LRRTM4: variants seen among roughly 807,000 people sequenced by gnomAD.
The protein encoded by LRRTM4 is leucine-rich repeat transmembrane neuronal protein 4.
In LRRTM4, 25 loss-of-function variants were observed where a neutral mutation model predicts 47.6. The ratio of observed to expected loss-of-function variants is 0.53; its 90% CI spans 0.38 to 0.73. LRRTM4 has a LOEUF of 0.73. LRRTM4 is among the 30% of genes least tolerant of loss of function. The pLI is 0.00. For missense variants in LRRTM4, 638 were observed against 713.4 expected (o/e 0.89, Z 1.20); for synonymous variants, 311 against 269.5 (o/e 1.15, Z -1.51).
At chr2:76,925,205 G>C (rs1025903669) in intron 3 of LRRTM4, among the ~76,000 whole-genome samples, 1 of 152,174 alleles carries the variant, frequency 6.6e-6, no homozygotes. Flanking sequence ...GGGTAAAAGA[G>C]ATGGAAGAAT....
intron 3 of LRRTM4, among the ~76,000 whole-genome samples, chr2:76,959,527 T>A (rs72823116): frequency 0.019 from 2,877 of 151,716 alleles, 75 homozygotes; most frequent in East Asian, 0.082. Flanking sequence ...GACATTCCTG[T>A]AAGAAAGCTA....
intron 3 of LRRTM4, among the ~76,000 whole-genome samples, chr2:76,991,855 T>G (rs1677021493): frequency 6.6e-6 from 1 of 151,676 alleles, no homozygotes; most frequent in Non-Finnish European, 1.5e-5. Flanking sequence ...AAAGCCAATA[T>G]CCCTGATGAA....
intron 3 of LRRTM4, among the ~76,000 whole-genome samples, chr2:77,373,071 C>A (rs1488880645): frequency 8.4e-6 from 1 of 119,064 alleles, no homozygotes; most frequent in East Asian, 2.8e-4. Flanking sequence ...CAAAAGCAAA[C>A]CAACAATTAA....
chr2:76,816,423 A>C (rs542105267), intron 3 of LRRTM4, among the ~76,000 whole-genome samples: 18 of 152,230 alleles, frequency 1.2e-4, no homozygotes, highest in Admixed American at 9.8e-4. Context: ...CGGAACTGAA[A>C]GTAGAAGAAG....
In LRRTM4 at chr2:77,400,957, A is replaced by G. The variant is rs191488419; in HGVS notation, c.1551+117361T>C. Among the ~76,000 whole-genome samples the G allele has an allele frequency of 3.8e-4, 58 of 152,104 alleles. 1 individual carries two copies. In the East Asian group the frequency reaches 0.011, roughly 28 times the overall value. ...GAAAATTATACAAAATTCAAACTTC[A>G]GCGTCTATAAGTAAAATTTTGTTTG... On this transcript the variant is annotated intron_variant, in intron 3 of 3. Transcript: ENST00000409884.
intron 3 of LRRTM4, among the ~76,000 whole-genome samples, chr2:77,192,341 A>T (rs535206841): frequency 6.6e-6 from 1 of 152,106 alleles, no homozygotes; most frequent in African/African-American, 2.4e-5. Flanking sequence ...TTAGTTTGTT[A>T]TTTTTGAATT....
chr2:77,459,163 T>C (rs1461456623), intron 3 of LRRTM4, among the ~76,000 whole-genome samples: 1 of 152,166 alleles, frequency 6.6e-6, no homozygotes, highest in Non-Finnish European at 1.5e-5. Flanking sequence ...ATAAAATGCC[T>C]GAAGGGACTA....
chr2:77,445,412 T>C (rs559579079), intron 3 of LRRTM4, among the ~76,000 whole-genome samples: 1 of 152,076 alleles, frequency 6.6e-6, no homozygotes, highest in African/African-American at 2.4e-5. Context: ...CTAAGTCTCT[T>C]CTACCACTTG....
intron 3 of LRRTM4, among the ~76,000 whole-genome samples, chr2:77,430,991 C>T (rs558741104): frequency 3.4e-5 from 5 of 148,672 alleles, no homozygotes; most frequent in South Asian, 2.1e-4. Context: ...ATTGGACATC[C>T]GAACTCTAGG....
chr2:77,277,447 G>A (rs1676392612), intron 3 of LRRTM4, among the ~76,000 whole-genome samples: 1 of 151,896 alleles, frequency 6.6e-6, no homozygotes, highest in Non-Finnish European at 1.5e-5. Context: ...AAACAGCAAA[G>A]ATATCCATCT....
intron 3 of LRRTM4, among the ~76,000 whole-genome samples, chr2:77,313,344 T>C (rs1341763678): frequency 2.6e-5 from 4 of 151,578 alleles, no homozygotes; most frequent in South Asian, 2.1e-4. Context: ...TCCTGGGACC[T>C]GGTGCTGGGA....
chr2:76,813,409 A>T (rs1670803366), intron 3 of LRRTM4, among the ~76,000 whole-genome samples: 1 of 152,164 alleles, frequency 6.6e-6, no homozygotes, highest in Non-Finnish European at 1.5e-5. Context: ...GTCTAATGTC[A>T]GAGAAATATA....
intron 3 of LRRTM4, among the ~76,000 whole-genome samples, chr2:76,967,961 G>A (rs1676083761): frequency 6.6e-6 from 1 of 151,266 alleles, no homozygotes; most frequent in African/African-American, 2.4e-5. Context: ...ATGCATTACA[G>A]TTGGTTGGCA....
At chr2:77,515,229 C>T (rs1254720518) in intron 3 of LRRTM4, among the ~76,000 whole-genome samples, 2 of 151,670 alleles carry the variant, frequency 1.3e-5, no homozygotes, top group Admixed American at 6.6e-5. Flanking sequence ...ATTTTTACTG[C>T]CCAAATTATT....
chr2:77,186,829 A>G (rs541954738), intron 3 of LRRTM4, among the ~76,000 whole-genome samples: 42 of 152,266 alleles, frequency 2.8e-4, no homozygotes, highest in Non-Finnish European at 5.0e-4. Flanking sequence ...TCATACTACA[A>G]CGAATCTTCA....
chr2:76,757,342 G>T (rs1209190356), intron 3 of LRRTM4, among the ~76,000 whole-genome samples: 1 of 152,124 alleles, frequency 6.6e-6, no homozygotes, highest in Non-Finnish European at 1.5e-5. Flanking sequence ...TCAGTCAGGG[G>T]ATAAGAGAAC....
At chr2:76,881,257 C>A (rs1449753006) in intron 3 of LRRTM4, among the ~76,000 whole-genome samples, 1 of 152,058 alleles carries the variant, frequency 6.6e-6, no homozygotes, top group Non-Finnish European at 1.5e-5. Context: ...TTCTGTACAG[C>A]CTAATTAGCA....
At chr2:77,172,736 A>T (rs1291575793) in intron 3 of LRRTM4, among the ~76,000 whole-genome samples, 1 of 152,254 alleles carries the variant, frequency 6.6e-6, no homozygotes, top group Non-Finnish European at 1.5e-5. Context: ...GGAAATTCTC[A>T]GAAATGATCT....
intron 3 of LRRTM4, among the ~76,000 whole-genome samples, chr2:77,215,281 T>A (rs572470413): frequency 4.1e-4 from 62 of 152,298 alleles, no homozygotes; most frequent in Non-Finnish European, 6.8e-4. Context: ...TCGAAGGGAA[T>A]GAGGTCAGGG....
Sources: gnomAD v4.1 joint callset for allele counts (sites outside exome capture counted in the v4.1 genomes callset) on GRCh38, gnomAD v4.1.1 for gene constraint, MANE v1.5 for transcripts, NCBI Gene and HGNC (gene_info 2026-07-23, HGNC 2026-07-21) for gene names.